Variants in LPP observed in about 807,000 individuals in gnomAD.
The protein encoded by LPP is lipoma-preferred partner.
A neutral mutation model predicts 60.4 loss-of-function variants in LPP; 38 were observed. The observed-to-expected ratio is 0.63, with a 90% CI of 0.49 to 0.83. The LOEUF is 0.83. LPP is among the 40% of genes least tolerant of loss of function. The probability of loss-of-function intolerance (pLI) is 0.00; values close to 1 mark genes in which losing one functional copy is unlikely to be tolerated. For missense variants in LPP, 902 were observed against 783.6 expected (o/e 1.15, Z -1.80); for synonymous variants, 328 against 290.8 (o/e 1.13, Z -1.30).
At chr3:188,231,047 T>C (rs184759668) in intron 2 of LPP, among the ~76,000 whole-genome samples, 44 of 152,192 alleles carry the variant, frequency 2.9e-4, no homozygotes, top group Admixed American at 2.5e-3. Flanking sequence ...GCAGCTCACA[T>C]GGCAGCTGCC....
intron 4 of LPP, among the ~76,000 whole-genome samples, chr3:188,463,687 G>A (rs1390599636): frequency 6.6e-6 from 1 of 152,192 alleles, no homozygotes; most frequent in Non-Finnish European, 1.5e-5. Context: ...ACCATAAGCA[G>A]TATGATATTT....
rs1005428709 is a variant in LPP, at chr3:188,284,109, C to T, written c.-66-57554C>T. 3.9e-5 allele frequency among the ~76,000 whole-genome samples: 6 copies of T among 152,110 alleles called. 1 individual carries two copies. The highest frequency in any genetic ancestry group is 3.9e-4 in the Admixed American group (6 of 15,292). Reference sequence around the variant, plus strand: ...TTATATCCTTCTAAAATCAGCATCTCGGCCGGACGCAGTGGCTCACGCCTG... The same window carrying T: ...TTATATCCTTCTAAAATCAGCATCTTGGCCGGACGCAGTGGCTCACGCCTG... On this transcript the variant is annotated intron_variant, in intron 2 of 11. Coordinates refer to ENST00000617246, the MANE Select transcript of LPP (RefSeq NM_001375462.1).
rs577390796 is a variant in LPP at position 188,456,749 on chromosome 3, G to A, written c.194-27843G>A. On this transcript the variant is annotated intron_variant, in intron 4 of 11. Transcript: ENST00000617246. ...AAATGGAGCTGAGGCATTAGAAAAC[G>A]CCTGTCGATTTTTAAGAAAAGGAGC... 1.1e-4 allele frequency among the ~76,000 whole-genome samples: 16 copies of A among 152,320 alleles called. No homozygotes were observed. The East Asian group carries it at 1.2e-3, about 11-fold the overall frequency.
At chr3:188,372,817 AT>A (rs1342491237) in intron 3 of LPP, among the ~76,000 whole-genome samples, 1 of 151,906 alleles carries the variant, frequency 6.6e-6, no homozygotes, top group Non-Finnish European at 1.5e-5. Flanking sequence ...TTAACTCGTC[AT>A]TTAGCATTAG....
chr3:188,612,812 G>C (rs1844000411), intron 7 of LPP, among the ~76,000 whole-genome samples: 1 of 152,056 alleles, frequency 6.6e-6, no homozygotes, highest in Non-Finnish European at 1.5e-5. Flanking sequence ...CCTTATATTT[G>C]AGATGAGCTG....
At position 188,427,410 on chromosome 3, in the gene LPP, TGGG is replaced by T. The variant is rs1277643786; in HGVS notation, c.193+21099_193+21101del. Among the ~76,000 whole-genome samples the T allele has an allele frequency of 5.3e-5, 8 of 152,330 alleles. No individual in the cohort carries two copies. The East Asian group carries it at 1.5e-3, about 29-fold the overall frequency. On this transcript the variant is annotated intron_variant, in intron 4 of 11. Coordinates refer to ENST00000617246, the MANE Select transcript of LPP (RefSeq NM_001375462.1). ...ATTTTTTCCTTCATTTCAACCTTGG[TGGG>T]GTAACCCAATCTTTCTCTCTGGCTG...
At chr3:188,598,141 G>T (rs1035858084) in intron 6 of LPP, among the ~76,000 whole-genome samples, 6 of 152,088 alleles carry the variant, frequency 3.9e-5, no homozygotes, top group African/African-American at 1.4e-4. Flanking sequence ...GCAACCACAG[G>T]ATAGCTGGAG....
intron 9 of LPP, among the ~76,000 whole-genome samples, chr3:188,824,780 T>TG (rs1754942721): frequency 6.6e-6 from 1 of 152,166 alleles, no homozygotes; most frequent in Non-Finnish European, 1.5e-5. Flanking sequence ...ATATGTCCAG[T>TG]GTCATCTTTG....
intron 5 of LPP, among the ~76,000 whole-genome samples, chr3:188,522,912 A>C (rs1819383192): frequency 6.6e-6 from 1 of 150,602 alleles, no homozygotes; most frequent in Non-Finnish European, 1.5e-5. Flanking sequence ...ATATACATAT[A>C]TGTATGTATG....
chr3:188,786,825 C>G (rs894345441), intron 9 of LPP, among the ~76,000 whole-genome samples: 5 of 152,156 alleles, frequency 3.3e-5, no homozygotes, highest in African/African-American at 1.2e-4. Context: ...GAAGGGCCAA[C>G]CCCCAAAGGC....
intron 8 of LPP, among the ~76,000 whole-genome samples, chr3:188,758,004 TTCAG>T (rs1211847226): frequency 1.3e-5 from 2 of 150,974 alleles, no homozygotes; most frequent in Non-Finnish European, 2.9e-5. Context: ...CAGGTACAAG[TTCAG>T]TCTTGGATAA....
chr3:188,416,765 T>C (rs1786392922), intron 4 of LPP, among the ~76,000 whole-genome samples: 1 of 152,178 alleles, frequency 6.6e-6, no homozygotes, highest in Non-Finnish European at 1.5e-5. Flanking sequence ...AACAAAAAAA[T>C]GGATTCTTCG....
At chr3:188,757,659 G>A (rs1730703690) in intron 8 of LPP, among the ~76,000 whole-genome samples, 1 of 152,050 alleles carries the variant, frequency 6.6e-6, no homozygotes, top group Non-Finnish European at 1.5e-5. Flanking sequence ...GAGTAATATA[G>A]AAAAAGAATT....
At chr3:188,161,091 G>A (rs1308063070) in intron 1 of LPP, among the ~76,000 whole-genome samples, 5 of 152,214 alleles carry the variant, frequency 3.3e-5, no homozygotes, top group African/African-American at 7.2e-5. Context: ...GGGAGATGGG[G>A]CTGGCTAGGG....
At chr3:188,207,702 G>T (rs1733697061) in intron 1 of LPP, among the ~76,000 whole-genome samples, 1 of 146,548 alleles carries the variant, frequency 6.8e-6, no homozygotes. Context: ...AAGTAATACT[G>T]CCTTGGCCTC....
intron 2 of LPP, among the ~76,000 whole-genome samples, chr3:188,323,212 A>G (rs1183883320): frequency 2.0e-5 from 3 of 152,194 alleles, no homozygotes; most frequent in Admixed American, 2.0e-4. Flanking sequence ...CAGACATAAA[A>G]ACATCCTTTC....
At chr3:188,726,876 T>C (rs1718604068) in intron 8 of LPP, among the ~76,000 whole-genome samples, 1 of 152,072 alleles carries the variant, frequency 6.6e-6, no homozygotes. Flanking sequence ...CTAAAAAAAG[T>C]AAATATCAAA....
intron 9 of LPP, among the ~76,000 whole-genome samples, chr3:188,843,482 G>A (rs746144213): frequency 6.6e-6 from 1 of 152,008 alleles, no homozygotes; most frequent in Non-Finnish European, 1.5e-5. Flanking sequence ...GACATCCTAC[G>A]GTCCCTTAAA....
intron 2 of LPP, among the ~76,000 whole-genome samples, chr3:188,326,510 G>A (rs1233181093): frequency 1.3e-5 from 2 of 152,088 alleles, no homozygotes; most frequent in African/African-American, 4.8e-5. Flanking sequence ...CTGTTAAGGG[G>A]GCATGATCGT....
Sources: allele counts gnomAD v4.1 joint callset (sites outside exome capture counted in the v4.1 genomes callset), GRCh38; gene constraint gnomAD v4.1.1; transcripts MANE v1.5; gene names NCBI Gene and HGNC (gene_info 2026-07-23, HGNC 2026-07-21).